The following USP26 variants were observed in gnomAD, a reference collection of about 807,000 sequenced individuals.
USP26 encodes the protein ubiquitin specific peptidase 26.
For missense variants in USP26, 649 were observed against 642.3 expected (o/e 1.01, Z -0.11); for synonymous variants, 236 against 240.6 (o/e 0.98, Z 0.18).
At chrX:133,059,441 T>G (rs1205437606) in intron 5 of USP26, among the ~76,000 whole-genome samples, 1 of 111,605 alleles carries the variant, frequency 9.0e-6, no homozygotes, top group Admixed American at 9.6e-5. Flanking sequence ...AGACTTTACC[T>G]TACCAGGTAG....
chrX:133,045,794 G>A lies in USP26; in HGVS notation c.-76-17498C>T, dbSNP rs760677118. On this transcript the variant is annotated intron_variant, in intron 5 of 5. Coordinates refer to ENST00000511190, the MANE Select transcript of USP26 (RefSeq NM_031907.3). ...AAGAACTGTAACACTCACCGCGAGCGTCCACGGCTTCATTCTTGAAGTCAG... is the reference window on the plus strand; with the variant it reads ...AAGAACTGTAACACTCACCGCGAGCATCCACGGCTTCATTCTTGAAGTCAG... The A allele has an allele frequency of 2.0e-4, 23 of 114,711 alleles. No individual in the cohort carries two copies. In the East Asian group the frequency reaches 5.0e-3, roughly 25 times the overall value. The allele number at this position is 114,711 out of a possible 1,213,427, so 9.5% of individuals were successfully genotyped here.
chrX:133,074,206 C>G (rs1219426239), intron 5 of USP26, among the ~76,000 whole-genome samples: 1 of 112,185 alleles, frequency 8.9e-6, no homozygotes, highest in East Asian at 2.8e-4. Context: ...AGACTGTGGA[C>G]TAAGTATTAG....
intron 5 of USP26, among the ~76,000 whole-genome samples, chrX:133,036,952 G>A (rs890840898): frequency 5.3e-5 from 6 of 112,572 alleles, no homozygotes; most frequent in African/African-American, 9.7e-5. Context: ...TTATTCATAC[G>A]TTTGTTGGCC....
In USP26 at chrX:133,028,069, C is replaced by T. The variant is rs759613833; in HGVS notation, c.152G>A (p.Arg51Gln). The change falls in exon 6 of 6, where the codon CGG becomes CAG. Residue 51 changes from arginine to glutamine, a missense_variant. Arg to Gln is a conservative substitution (Grantham distance 43). Coordinates refer to ENST00000511190, the MANE Select transcript of USP26 (RefSeq NM_031907.3). ...YFKSGKYSTF[R>Q]LSDNIQNVVL... Reference sequence around the variant, plus strand: ...TACATTTTGAATATTATCACTTAGCCGAAAAGTGCTATATTTTCCACTTTT... The same window carrying T: ...TACATTTTGAATATTATCACTTAGCTGAAAAGTGCTATATTTTCCACTTTT... The T allele has an allele frequency of 2.1e-5, 25 of 1,210,174 alleles. No homozygotes were observed. Among genetic ancestry groups the T allele is most frequent in the Non-Finnish European group, 2.5e-5 (22 of 894,538 alleles).
intron 5 of USP26, among the ~76,000 whole-genome samples, chrX:133,064,251 G>A (rs188368949): frequency 3.8e-4 from 42 of 111,787 alleles, no homozygotes; most frequent in Middle Eastern, 4.7e-3. Context: ...GACCTACAAA[G>A]ACACTTATAA....
At chrX:133,068,640 C>T (rs2067520507) in intron 5 of USP26, among the ~76,000 whole-genome samples, 1 of 111,988 alleles carries the variant, frequency 8.9e-6, no homozygotes, top group East Asian at 2.8e-4. Flanking sequence ...TGGTCAATTA[C>T]CCAGCAAGAG....
At chrX:133,049,494 C>T (rs947642467) in intron 5 of USP26, among the ~76,000 whole-genome samples, 23 of 112,261 alleles carry the variant, frequency 2.0e-4, no homozygotes, top group African/African-American at 7.1e-4. Context: ...AAACAAAGCA[C>T]ATCTCTAGAA....
At position 133,097,068 on chromosome X, in the gene USP26, A is replaced by G. The variant is rs242521; in HGVS notation, c.-431T>C. On this transcript the variant is annotated 5_prime_UTR_variant, in exon 1 of 6. Transcript: ENST00000511190. ...AGAAGTCGACACCCCTGACACACCA[A>G]CGCTCCACCACGTGCCCACTTAACG... is the stretch of plus-strand genomic sequence containing the variant. The G allele has an allele frequency of 0.13, 15,136 of 112,370 alleles. 2,415 individuals carry two copies. Among genetic ancestry groups the G allele is most frequent in the African/African-American group, 0.46 (14,193 of 30,776 alleles). 9.3% of individuals were successfully genotyped at this position (112,370 alleles called of 1,213,427 possible).
chrX:133,068,600 A>T (rs1341285580), intron 5 of USP26, among the ~76,000 whole-genome samples: 1 of 112,240 alleles, frequency 8.9e-6, no homozygotes, highest in Non-Finnish European at 1.9e-5. Context: ...AAATTTTTTC[A>T]TTTACCCATT....
intron 5 of USP26, among the ~76,000 whole-genome samples, chrX:133,042,782 A>G (rs970421829): frequency 8.9e-6 from 1 of 112,274 alleles, no homozygotes; most frequent in Non-Finnish European, 1.9e-5. Context: ...TTATGTGTAC[A>G]GTATCAGTGC....
chrX:133,059,878 A>T (rs976423325), intron 5 of USP26, among the ~76,000 whole-genome samples: 1 of 112,158 alleles, frequency 8.9e-6, no homozygotes, highest in Non-Finnish European at 1.9e-5. Flanking sequence ...ATGATCTCAG[A>T]CTTACGATAC....
At chrX:133,030,649 C>T (rs2067372938) in intron 5 of USP26, among the ~76,000 whole-genome samples, 1 of 111,855 alleles carries the variant, frequency 8.9e-6, no homozygotes, top group African/African-American at 3.2e-5. Context: ...CCTCTGTATC[C>T]TCCATTTATA....
intron 5 of USP26, among the ~76,000 whole-genome samples, chrX:133,076,421 T>C (rs1217219263): frequency 1.8e-5 from 2 of 110,995 alleles, no homozygotes; most frequent in East Asian, 5.7e-4. Context: ...GAAGTAACTA[T>C]AGGACTGGGT....
chrX:133,025,855 A>G lies in USP26; in HGVS notation c.2366T>C (p.Leu789Pro). 1 of 1,210,531 alleles carries G rather than the reference A, an allele frequency of 8.3e-7. No homozygotes were observed. The highest frequency in any genetic ancestry group is 1.1e-6 in the Non-Finnish European group (1 of 894,648). Reference protein sequence around the residue: ...NLQKSNRNSLLALGSNKNPRN... With the variant: ...NLQKSNRNSLPALGSNKNPRN... ...TGGATTCTTATTGGAACCCAGTGCA[A>G]GTAGGGAATTCCTGTTAGACTTCTG... Residue 789 changes from leucine to proline, a missense_variant, in exon 6 of 6, where the codon CTT becomes CCT. Leu to Pro is a moderately conservative substitution (Grantham distance 98). Coordinates refer to ENST00000511190, the MANE Select transcript of USP26 (RefSeq NM_031907.3).
At chrX:133,032,521 C>A (rs1338210974) in intron 5 of USP26, among the ~76,000 whole-genome samples, 1 of 111,895 alleles carries the variant, frequency 8.9e-6, no homozygotes, top group Non-Finnish European at 1.9e-5. Context: ...GGACTAGTAA[C>A]CTTGCTGAGT....
At position 133,083,779 on chromosome X, in the gene USP26, G is replaced by A. The variant is rs540794985; in HGVS notation, c.-141-8C>T. The A allele has an allele frequency of 8.9e-6, 1 of 111,903 alleles. No homozygotes were observed. Among genetic ancestry groups the A allele is most frequent in the Admixed American group, 9.5e-5 (1 of 10,531 alleles). 9.2% of individuals were successfully genotyped at this position (111,903 alleles called of 1,213,427 possible). On this transcript the variant is annotated splice_polypyrimidine_tract_variant and splice_region_variant and intron_variant, in intron 4 of 5. Transcript: ENST00000511190. ...AAAGCAGAAACAGGGAATCTGTTGG[G>A]AAGAGGTCAAAATTAGGGGAAAAAA...
chrX:133,056,307 C>A (rs983905267), intron 5 of USP26, among the ~76,000 whole-genome samples: 3 of 111,824 alleles, frequency 2.7e-5, no homozygotes, highest in African/African-American at 9.8e-5. Flanking sequence ...CTCACAATCC[C>A]TGGCTGCTAA....
At chrX:133,094,611 G>A (rs1428375129) in intron 1 of USP26, among the ~76,000 whole-genome samples, 6 of 110,898 alleles carry the variant, frequency 5.4e-5, no homozygotes, top group African/African-American at 9.8e-5. Context: ...AAATACCTCC[G>A]TCTTTTAAAG....
intron 5 of USP26, among the ~76,000 whole-genome samples, chrX:133,079,482 T>C (rs2067562345): frequency 9.0e-6 from 1 of 111,712 alleles, no homozygotes; most frequent in Non-Finnish European, 1.9e-5. Flanking sequence ...ATAAGAGACT[T>C]CTTAATACCA....
Sources: allele counts gnomAD v4.1 joint callset (sites outside exome capture counted in the v4.1 genomes callset), GRCh38; gene constraint gnomAD v4.1.1; transcripts MANE v1.5; gene names NCBI Gene and HGNC (gene_info 2026-07-23, HGNC 2026-07-21).